UGGT2: variants seen among roughly 807,000 people sequenced by gnomAD.
UGGT2 encodes the protein UDP-glucose glycoprotein glucosyltransferase 2, also known as UDP-glucose:glycoprotein glucosyltransferase 2.
UGGT2 carries 180 observed loss-of-function variants against 192.1 expected under a neutral mutation model. The observed-to-expected ratio is 0.94, with a 90% CI of 0.83 to 1.06. The LOEUF (loss-of-function observed/expected upper bound fraction) is 1.06. UGGT2 is among the 50% of genes least tolerant of loss of function. The probability of loss-of-function intolerance (pLI) is 0.00; values close to 1 mark genes in which losing one functional copy is unlikely to be tolerated. For synonymous variants in UGGT2, 580 were observed against 591.0 expected (o/e 0.98, Z 0.27); for missense variants, 1,849 against 1,795.7 (o/e 1.03, Z -0.54).
At chr13:95,891,100 T>C (rs1011276253) in intron 24 of UGGT2, 136 bp from the exon 25 acceptor site, 2 of 575,470 alleles carry the variant, frequency 3.5e-6, no homozygotes, top group Non-Finnish European at 5.9e-6. Context: ...TTTCACACAA[T>C]GCTTGCAAAT....
At chr13:95,929,850 A>C (rs1157372074) in intron 17 of UGGT2, among the ~76,000 whole-genome samples, 1 of 152,150 alleles carries the variant, frequency 6.6e-6, no homozygotes, top group East Asian at 1.9e-4. Context: ...AGTTCTTTGA[A>C]ACATCTACAA....
At chr13:95,811,690 T>C (rs1046622442) in intron 38 of UGGT2, among the ~76,000 whole-genome samples, 15 of 152,028 alleles carry the variant, frequency 9.9e-5, no homozygotes, top group African/African-American at 3.6e-4. Flanking sequence ...ATTAATAATA[T>C]ATAATAGTAA....
intron 22 of UGGT2, among the ~76,000 whole-genome samples, chr13:95,897,689 A>G (rs1440707032): frequency 6.6e-6 from 1 of 152,210 alleles, no homozygotes; most frequent in Admixed American, 6.5e-5. Context: ...TCAGAGTGAT[A>G]AGCTAAGTAT....
chr13:96,039,596 C>T (rs1260130407), intron 1 of UGGT2, among the ~76,000 whole-genome samples: 1 of 152,188 alleles, frequency 6.6e-6, no homozygotes, highest in African/African-American at 2.4e-5. Flanking sequence ...AGGCTGAGAA[C>T]CTCCAAAATC....
At chr13:95,919,784 G>A (rs1272885601) in intron 20 of UGGT2, among the ~76,000 whole-genome samples, 1 of 152,126 alleles carries the variant, frequency 6.6e-6, no homozygotes, top group Non-Finnish European at 1.5e-5. Context: ...ACTGCCCTAA[G>A]TAATTTATAG....
intron 15 of UGGT2, among the ~76,000 whole-genome samples, chr13:95,941,932 T>C (rs1012894153): frequency 6.6e-6 from 1 of 152,196 alleles, no homozygotes; most frequent in Non-Finnish European, 1.5e-5. Flanking sequence ...CCTTTCCTTT[T>C]TGAATTCTAG....
chr13:95,934,077 A>G (rs2049381329), intron 17 of UGGT2, among the ~76,000 whole-genome samples: 1 of 152,050 alleles, frequency 6.6e-6, no homozygotes, highest in African/African-American at 2.4e-5. Flanking sequence ...GTTTGTTTTC[A>G]TTTATTTGAA....
At chr13:95,883,940 A>C (rs957375680) in intron 27 of UGGT2, among the ~76,000 whole-genome samples, 7 of 152,236 alleles carry the variant, frequency 4.6e-5, no homozygotes, top group Non-Finnish European at 1.5e-5. Context: ...TACTCACTAG[A>C]CAAGGGTCAT....
chr13:95,855,833 C>A (rs971682033), intron 34 of UGGT2, among the ~76,000 whole-genome samples: 3 of 152,130 alleles, frequency 2.0e-5, no homozygotes, highest in African/African-American at 7.2e-5. Flanking sequence ...AAACAAATAT[C>A]AGCACATAAT....
intron 12 of UGGT2, among the ~76,000 whole-genome samples, chr13:95,960,592 AG>A (rs1316392922): frequency 6.6e-6 from 1 of 152,210 alleles, no homozygotes; most frequent in African/African-American, 2.4e-5. Context: ...TTGCTGTCCC[AG>A]AAGATTAAAA....
chr13:95,976,312 C>A (rs1374816413), intron 10 of UGGT2, among the ~76,000 whole-genome samples: 1 of 152,142 alleles, frequency 6.6e-6, no homozygotes, highest in Non-Finnish European at 1.5e-5. Context: ...CCTTTATCCA[C>A]CCATCCATTA....
chr13:96,034,910 G>A (rs900460177), intron 1 of UGGT2, among the ~76,000 whole-genome samples: 20 of 152,212 alleles, frequency 1.3e-4, no homozygotes, highest in South Asian at 6.2e-4. Flanking sequence ...AACACAAGCC[G>A]AGCATAGCCT....
intron 27 of UGGT2, among the ~76,000 whole-genome samples, chr13:95,882,048 A>G (rs1471103108): frequency 6.6e-6 from 1 of 151,898 alleles, no homozygotes; most frequent in Non-Finnish European, 1.5e-5. Context: ...AGCTGGTATT[A>G]CAGGCACGTG....
Position 95,944,935 on chromosome 13 carries a change from C to T in UGGT2, c.1677+2102G>A, listed in dbSNP as rs562962194. Among the ~76,000 whole-genome samples, 9 of 152,042 alleles carry T rather than the reference C, an allele frequency of 5.9e-5. No homozygotes were observed. In the South Asian group the frequency reaches 1.9e-3, roughly 32 times the overall value. On this transcript the variant is annotated intron_variant, in intron 15 of 38. Transcript: ENST00000376747. ...TTATAGTGAAACTGTCCATTTATCT[C>T]CCTTGCTATCAAATTTTGTATTGTA...
At chr13:95,997,568 G>A (rs549849654) in intron 6 of UGGT2, among the ~76,000 whole-genome samples, 5 of 152,198 alleles carry the variant, frequency 3.3e-5, no homozygotes, top group Admixed American at 6.5e-5. Flanking sequence ...GCTTCAATCC[G>A]GGAGGCAGAG....
chr13:96,028,570 C>T (rs142315886), intron 2 of UGGT2, among the ~76,000 whole-genome samples: 1 of 152,220 alleles, frequency 6.6e-6, no homozygotes, highest in East Asian at 1.9e-4. Context: ...TCTGGCAGAA[C>T]CATATAAATT....
At chr13:95,912,985 G>A (rs1321324363) in intron 20 of UGGT2, among the ~76,000 whole-genome samples, 1 of 152,100 alleles carries the variant, frequency 6.6e-6, no homozygotes, top group East Asian at 1.9e-4. Flanking sequence ...CAAGAAATGG[G>A]GAAAGGATTC....
rs372521763 is a variant in UGGT2, at chr13:95,801,708, G to A, written c.*82C>T. ...CTGATCTTAACGAGACTTCCAAATCGTCTCAGCAGGGGCTCCAGACTTCCC... is the reference window on the plus strand; with the variant it reads ...CTGATCTTAACGAGACTTCCAAATCATCTCAGCAGGGGCTCCAGACTTCCC... On this transcript the variant is annotated 3_prime_UTR_variant, in exon 39 of 39. Transcript: ENST00000376747. 84 of 1,431,160 alleles carry A rather than the reference G, an allele frequency of 5.9e-5. No individual in the cohort carries two copies. Among genetic ancestry groups the A allele is most frequent in the East Asian group, 5.1e-4 (22 of 43,280 alleles). 88.7% of individuals were successfully genotyped at this position (1,431,160 alleles called of 1,614,324 possible).
intron 20 of UGGT2, among the ~76,000 whole-genome samples, chr13:95,911,858 T>C (rs965275696): frequency 3.3e-5 from 5 of 152,118 alleles, no homozygotes; most frequent in African/African-American, 4.8e-5. Context: ...GCAAACCAAA[T>C]CCAGCAGCAC....
Sources: allele counts gnomAD v4.1 joint callset (sites outside exome capture counted in the v4.1 genomes callset), GRCh38; gene constraint gnomAD v4.1.1; transcripts MANE v1.5; gene names NCBI Gene and HGNC (gene_info 2026-07-23, HGNC 2026-07-21).